STXBP4: variants seen among roughly 807,000 people sequenced by gnomAD.
The protein encoded by STXBP4 is syntaxin binding protein 4, also known as syntaxin-binding protein 4.
A neutral mutation model predicts 76.1 loss-of-function variants in STXBP4; 55 were observed. The observed-to-expected ratio is 0.72, with a 90% CI of 0.58 to 0.91. The LOEUF (loss-of-function observed/expected upper bound fraction) is 0.91, where lower values mean the gene tolerates loss of function less well. STXBP4 is among the 40% of genes least tolerant of loss of function. STXBP4 has a pLI of 0.00. For synonymous variants in STXBP4, 201 were observed against 220.2 expected (o/e 0.91, Z 0.77); for missense variants, 618 against 636.9 (o/e 0.97, Z 0.32).
chr17:55,204,403 G>T, the STXBP4 span, among the ~76,000 whole-genome samples: 1 of 151,842 alleles, frequency 6.6e-6, no homozygotes. Flanking sequence ...TTACTTGTGA[G>T]GCTATTTCTG....
chr17:54,968,976 C>T (rs1244954007), intron 1 of STXBP4, among the ~76,000 whole-genome samples, 161 bp downstream of exon 1: 4 of 152,032 alleles, frequency 2.6e-5, no homozygotes. Context: ...GCCTTTGTCT[C>T]GACCCGGCAG....
rs1409799619 is a variant in STXBP4, at chr17:55,169,466, G to A, written c.*9555G>A. 1 of 152,258 alleles carries A rather than the reference G, an allele frequency of 6.6e-6. No individual in the cohort carries two copies. Among genetic ancestry groups the A allele is most frequent in the Non-Finnish European group, 1.5e-5 (1 of 68,070 alleles). The allele number at this position is 152,258 out of a possible 1,614,324, so 9.4% of individuals were successfully genotyped here. A position where few individuals can be genotyped will look rare whatever the true frequency, so the allele number is the denominator to read the frequency against. ...GAGGACAGCCGTCCAACAAAGAGGTGCAGGTGCTGAATGTTGAGAGTGAAA... is the reference window on the plus strand; with the variant it reads ...GAGGACAGCCGTCCAACAAAGAGGTACAGGTGCTGAATGTTGAGAGTGAAA... On this transcript the variant is annotated 3_prime_UTR_variant, in exon 18 of 18. Transcript: ENST00000376352.
downstream of STXBP4, among the ~76,000 whole-genome samples, chr17:55,178,130 G>A (rs1639869826): frequency 6.6e-6 from 1 of 152,176 alleles, no homozygotes; most frequent in African/African-American, 2.4e-5. Flanking sequence ...TCATGTTAGA[G>A]GAATGAGATC....
intron 8 of STXBP4, among the ~76,000 whole-genome samples, chr17:55,022,837 C>T (rs891810171): frequency 2.0e-5 from 3 of 152,070 alleles, no homozygotes; most frequent in African/African-American, 7.2e-5. Context: ...GTACTAACGA[C>T]GTAAGTCAGG....
At chr17:55,016,108 G>A (rs2078203905) in intron 8 of STXBP4, among the ~76,000 whole-genome samples, 1 of 152,128 alleles carries the variant, frequency 6.6e-6, no homozygotes, top group Non-Finnish European at 1.5e-5. Context: ...AAAGAACAGG[G>A]ATGCCAGCAC....
At chr17:55,029,251 C>A (rs1290849910) in intron 8 of STXBP4, among the ~76,000 whole-genome samples, 4 of 151,800 alleles carry the variant, frequency 2.6e-5, no homozygotes, top group East Asian at 1.9e-4. Flanking sequence ...TAAGATTATG[C>A]TTTTGAGGTA....
chr17:54,988,722 T>C (rs2077663673), intron 3 of STXBP4, among the ~76,000 whole-genome samples: 1 of 151,964 alleles, frequency 6.6e-6, no homozygotes. Flanking sequence ...TGCAGTAAGC[T>C]GAGATCACGC....
chr17:55,000,579 A>G (rs2077894415), intron 6 of STXBP4, among the ~76,000 whole-genome samples: 1 of 152,212 alleles, frequency 6.6e-6, no homozygotes, highest in African/African-American at 2.4e-5. Flanking sequence ...TTAAAAGACA[A>G]GATGAGTGGC....
intron 11 of STXBP4, among the ~76,000 whole-genome samples, chr17:55,046,613 G>A (rs1248391636): frequency 6.6e-6 from 1 of 151,750 alleles, no homozygotes; most frequent in East Asian, 1.9e-4. Flanking sequence ...TTTATGTTTT[G>A]TTTACATTAG....
At chr17:55,029,009 C>T (rs2078461303) in intron 8 of STXBP4, among the ~76,000 whole-genome samples, 2 of 151,654 alleles carry the variant, frequency 1.3e-5, no homozygotes, top group Admixed American at 6.6e-5. Context: ...GAGAAATTTT[C>T]ACACATTTTT....
At chr17:55,015,455 T>G (rs1176960929) in intron 8 of STXBP4, among the ~76,000 whole-genome samples, 1 of 152,156 alleles carries the variant, frequency 6.6e-6, no homozygotes, top group Non-Finnish European at 1.5e-5. Context: ...TCATTTGGGG[T>G]TAGTGTCTGA....
At chr17:55,013,572 C>A (rs1472913296) in intron 8 of STXBP4, among the ~76,000 whole-genome samples, 1 of 152,174 alleles carries the variant, frequency 6.6e-6, no homozygotes, top group African/African-American at 2.4e-5. Flanking sequence ...TAATTTTAGT[C>A]CTAAGTATTT....
At chr17:54,971,285 A>G (rs1484897073) in intron 1 of STXBP4, among the ~76,000 whole-genome samples, 1 of 152,240 alleles carries the variant, frequency 6.6e-6, no homozygotes, top group Admixed American at 6.5e-5. Context: ...TGGACTACCA[A>G]TAGCAAAATA....
chr17:55,123,772 C>T (rs2628325), intron 16 of STXBP4, among the ~76,000 whole-genome samples: 46,602 of 151,658 alleles, frequency 0.31, 7,460 homozygotes, highest in African/African-American at 0.36. Flanking sequence ...TGGTGGCCCG[C>T]GCCTATAGTC....
In STXBP4 at chr17:54,999,642, G is replaced by T; in HGVS notation, c.298G>T (p.Ala100Ser). 1 of 1,613,282 alleles carries T rather than the reference G, an allele frequency of 6.2e-7. No homozygotes were observed. Residue 100 changes from alanine to serine, a missense_variant, in exon 6 of 18, where the codon GCT becomes TCT. Coordinates refer to ENST00000376352, the MANE Select transcript of STXBP4 (RefSeq NM_178509.6). ...TCTTTTTAGTACTAGGTTAGAATCT[G>T]CTTGGGAGATAGCATTCATAAGACA... is the stretch of plus-strand genomic sequence containing the variant. ...ITGAKLRLES[A>S]WEIAFIRQKS...
intron 1 of STXBP4, among the ~76,000 whole-genome samples, chr17:54,980,184 A>G (rs1354211841): frequency 1.3e-5 from 2 of 152,198 alleles, no homozygotes; most frequent in African/African-American, 4.8e-5. Context: ...ATATAATCAT[A>G]TAATCAAGCA....
At chr17:55,185,356 C>CCTT in the STXBP4 span, among the ~76,000 whole-genome samples, 1 of 147,064 alleles carries the variant, frequency 6.8e-6, no homozygotes, top group African/African-American at 2.5e-5. Flanking sequence ...TCCTTCTCCT[C>CCTT]CTCCTTCTCC....
intron 16 of STXBP4, among the ~76,000 whole-genome samples, chr17:55,133,978 C>A (rs1370884944): frequency 6.6e-6 from 1 of 151,852 alleles, no homozygotes; most frequent in Non-Finnish European, 1.5e-5. Flanking sequence ...AATGTGAGGG[C>A]AAGACAAAGT....
chr17:55,128,419 A>G (rs1225015494), intron 16 of STXBP4, among the ~76,000 whole-genome samples: 1 of 152,054 alleles, frequency 6.6e-6, no homozygotes, highest in African/African-American at 2.4e-5. Flanking sequence ...ATGAGATTCC[A>G]AATCAGATTG....
Sources: allele counts gnomAD v4.1 joint callset (sites outside exome capture counted in the v4.1 genomes callset), GRCh38; gene constraint gnomAD v4.1.1; transcripts MANE v1.5; gene names NCBI Gene and HGNC (gene_info 2026-07-23, HGNC 2026-07-21).